Variants in LSAMP observed in about 807,000 individuals in gnomAD.
LSAMP encodes limbic system-associated membrane protein.
LSAMP carries 7 observed loss-of-function variants against 38.6 expected under a neutral mutation model. The ratio of observed to expected loss-of-function variants is 0.18; its 90% CI spans 0.10 to 0.34. The LOEUF is 0.34. LSAMP is among the 10% of genes least tolerant of loss of function. The pLI is 1.00. For missense variants in LSAMP, 313 were observed against 420.0 expected (o/e 0.75, Z 2.23); for synonymous variants, 154 against 166.8 (o/e 0.92, Z 0.59).
intron 1 of LSAMP, among the ~76,000 whole-genome samples, chr3:116,286,890 T>TAA (rs547415596): frequency 1.4e-5 from 2 of 145,914 alleles, no homozygotes; most frequent in African/African-American, 5.1e-5. Flanking sequence ...ATCTCTCAAG[T>TAA]TAAAAAAAAA....
intron 4 of LSAMP, among the ~76,000 whole-genome samples, chr3:115,847,726 T>C (rs544720518): frequency 6.6e-4 from 100 of 152,338 alleles, no homozygotes; most frequent in African/African-American, 2.3e-3. Context: ...ATGTGCCTTG[T>C]TTCCCCTTTG....
intron 1 of LSAMP, among the ~76,000 whole-genome samples, chr3:116,282,142 G>T (rs2107682930): frequency 6.6e-6 from 1 of 152,266 alleles, no homozygotes; most frequent in South Asian, 2.1e-4. Context: ...CTCATGCTGG[G>T]CAGGACTTCA....
In LSAMP at chr3:115,906,887, A is replaced by T. The variant is rs183590073; in HGVS notation, c.515-54270T>A. On this transcript the variant is annotated intron_variant, in intron 3 of 6. Coordinates refer to ENST00000490035, the MANE Select transcript of LSAMP (RefSeq NM_002338.5). Reference sequence around the variant, plus strand: ...TATCTTTGCTAGCTTAATTTCAGAGAATGAGAAGTATAACTTTTGGGGCTT... The same window carrying T: ...TATCTTTGCTAGCTTAATTTCAGAGTATGAGAAGTATAACTTTTGGGGCTT... Among the ~76,000 whole-genome samples the T allele has an allele frequency of 9.7e-4, 147 of 152,294 alleles. 1 individual carries two copies. The highest frequency in any genetic ancestry group is 3.5e-3 in the African/African-American group (146 of 41,572).
intron 3 of LSAMP, among the ~76,000 whole-genome samples, chr3:115,854,692 T>A (rs1935452351): frequency 6.6e-6 from 1 of 152,056 alleles, no homozygotes; most frequent in South Asian, 2.1e-4. Context: ...TGGGCAGGAT[T>A]TAGGATTGAA....
At chr3:116,092,502 C>A (rs927999145) in intron 1 of LSAMP, among the ~76,000 whole-genome samples, 2 of 152,100 alleles carry the variant, frequency 1.3e-5, no homozygotes, top group African/African-American at 4.8e-5. Context: ...AACTGCAAAT[C>A]TATGATTTTT....
intron 1 of LSAMP, among the ~76,000 whole-genome samples, chr3:116,346,178 C>T (rs375005087): frequency 3.9e-5 from 6 of 152,138 alleles, no homozygotes; most frequent in South Asian, 2.1e-4. Flanking sequence ...ATAACCATAT[C>T]TCCATTTCAA....
chr3:116,393,236 C>T (rs113439394), intron 1 of LSAMP, among the ~76,000 whole-genome samples: 112 of 152,274 alleles, frequency 7.4e-4, no homozygotes, highest in African/African-American at 2.5e-3. Flanking sequence ...AGAGCCCAGA[C>T]CTAGGAACTC....
intron 1 of LSAMP, among the ~76,000 whole-genome samples, chr3:116,334,257 T>A (rs1344082890): frequency 1.3e-5 from 2 of 152,074 alleles, no homozygotes; most frequent in Admixed American, 1.3e-4. Flanking sequence ...TAATCAAAAA[T>A]CTTCTAAGAA....
chr3:116,228,101 T>C (rs2046362361), intron 1 of LSAMP, among the ~76,000 whole-genome samples: 1 of 152,134 alleles, frequency 6.6e-6, no homozygotes, highest in African/African-American at 2.4e-5. Flanking sequence ...ACATCATTCC[T>C]GTTGATTTCT....
At chr3:116,180,911 A>G (rs1327512391) in intron 1 of LSAMP, among the ~76,000 whole-genome samples, 1 of 152,132 alleles carries the variant, frequency 6.6e-6, no homozygotes, top group African/African-American at 2.4e-5. Flanking sequence ...AGGTGATTCC[A>G]TGAATATGAT....
intron 3 of LSAMP, among the ~76,000 whole-genome samples, chr3:115,969,148 A>G (rs1938926662): frequency 6.6e-6 from 1 of 152,138 alleles, no homozygotes; most frequent in African/African-American, 2.4e-5. Flanking sequence ...AGGTACTGTG[A>G]TTGCTCATCT....
intron 1 of LSAMP, among the ~76,000 whole-genome samples, chr3:116,255,919 G>T (rs1028958336): frequency 6.6e-6 from 1 of 152,030 alleles, no homozygotes; most frequent in Non-Finnish European, 1.5e-5. Context: ...ATTTTTTTTG[G>T]TGACACATTG....
chr3:115,890,240 T>C (rs1388264555), intron 3 of LSAMP, among the ~76,000 whole-genome samples: 1 of 151,950 alleles, frequency 6.6e-6, no homozygotes, highest in Non-Finnish European at 1.5e-5. Flanking sequence ...TGGGACATTT[T>C]GCAAACAAGT....
intron 2 of LSAMP, among the ~76,000 whole-genome samples, chr3:116,075,230 G>T (rs1707711977): frequency 6.7e-6 from 1 of 149,300 alleles, no homozygotes; most frequent in South Asian, 2.1e-4. Context: ...TCCACCTCTA[G>T]GGTTCAAGCA....
At chr3:115,887,203 A>G (rs927439326) in intron 3 of LSAMP, among the ~76,000 whole-genome samples, 1 of 151,826 alleles carries the variant, frequency 6.6e-6, no homozygotes, top group Non-Finnish European at 1.5e-5. Flanking sequence ...ATACTTTCTG[A>G]TATTAAATAA....
intron 3 of LSAMP, among the ~76,000 whole-genome samples, chr3:115,975,985 G>C (rs1201263626): frequency 1.3e-5 from 2 of 152,122 alleles, no homozygotes; most frequent in Admixed American, 1.3e-4. Flanking sequence ...ACTTTTCTCA[G>C]CTCTTTCATG....
chr3:115,959,109 A>G (rs930949346), intron 3 of LSAMP, among the ~76,000 whole-genome samples: 30 of 152,134 alleles, frequency 2.0e-4, no homozygotes, highest in African/African-American at 7.2e-4. Flanking sequence ...TTTAGCAATA[A>G]TCTGCAATAT....
intron 3 of LSAMP, among the ~76,000 whole-genome samples, chr3:115,948,655 A>G (rs1938183540): frequency 6.6e-6 from 1 of 152,186 alleles, no homozygotes; most frequent in South Asian, 2.1e-4. Context: ...AGTTCATAGC[A>G]TTAAATGCCT....
chr3:115,880,936 G>T (rs1172914967), intron 3 of LSAMP, among the ~76,000 whole-genome samples: 1 of 151,976 alleles, frequency 6.6e-6, no homozygotes, highest in Admixed American at 6.6e-5. Flanking sequence ...TACTTGGGAG[G>T]CTGAGGCATG....
Sources: gnomAD v4.1 joint callset for allele counts (sites outside exome capture counted in the v4.1 genomes callset) on GRCh38, gnomAD v4.1.1 for gene constraint, MANE v1.5 for transcripts, NCBI Gene and HGNC (gene_info 2026-07-23, HGNC 2026-07-21) for gene names.